NXF1: variants seen among roughly 807,000 people sequenced by gnomAD.
NXF1 encodes the protein nuclear RNA export factor 1, also known as mRNA export factor TAP.
NXF1 carries 43 observed loss-of-function variants against 92.4 expected under a neutral mutation model. The ratio of observed to expected loss-of-function variants is 0.47; its 90% confidence interval spans 0.36 to 0.60. NXF1 has a LOEUF of 0.60. NXF1 is among the 20% of genes least tolerant of loss of function. The pLI is 0.00. For synonymous variants in NXF1, 288 were observed against 292.2 expected, an observed-to-expected ratio of 0.99 and a Z score of 0.15; for missense variants, 576 against 793.0, an observed-to-expected ratio of 0.73 and a Z score of 3.29.
chr11:62,793,373 A>G (rs2084387055), intron 19 of NXF1, among the ~76,000 whole-genome samples: 1 of 152,090 alleles, frequency 6.6e-6, no homozygotes, highest in African/African-American at 2.4e-5. Context: ...CACCTCTCCC[A>G]GCCAACTATT....
At position 62,805,321 on chromosome 11, in the gene NXF1, G is replaced by C. The variant is rs780199704; in HGVS notation, c.28+8C>G. 3 of 1,609,326 alleles carry C rather than the reference G, an allele frequency of 1.9e-6. No homozygotes were observed. The highest frequency in any genetic ancestry group is 2.5e-6 in the Non-Finnish European group (3 of 1,178,048). On this transcript the variant is annotated splice_region_variant and intron_variant, in intron 1 of 20. Transcript: ENST00000294172. ...TAGCCAGTTCCCGACCCGAAGACCA[G>C]CACTTACCGCTGTACGACTTCCCCT...
At chr11:62,802,868 C>G (rs1320780900) in intron 3 of NXF1, among the ~76,000 whole-genome samples, 1 of 152,216 alleles carries the variant, frequency 6.6e-6, no homozygotes, top group Non-Finnish European at 1.5e-5. Context: ...CACACTCAGC[C>G]TGAGCCAAAT....
At chr11:62,805,235 C>T (rs1313002291) in intron 1 of NXF1, 94 bp downstream of exon 1, 1 of 1,289,460 alleles carries the variant, frequency 7.8e-7, no homozygotes, top group Non-Finnish European at 1.0e-6. Flanking sequence ...CGCCGGGCCC[C>T]TAGCGGCCTC....
chr11:62,803,092 G>A (rs931033635), intron 3 of NXF1, among the ~76,000 whole-genome samples: 22 of 152,084 alleles, frequency 1.4e-4, no homozygotes, highest in Non-Finnish European at 2.1e-4. Context: ...GGGCCAAGGC[G>A]GGCAGATCAT....
In NXF1 at chr11:62,801,104, G is replaced by C. The variant is rs1444988072; in HGVS notation, c.896C>G (p.Ser299Cys). 6.2e-7 allele frequency: 1 copy of C among 1,613,238 alleles called. No homozygotes were observed. Among genetic ancestry groups the C allele is most frequent in the East Asian group, 2.2e-5 (1 of 44,878 alleles). ...KAPNLKILNL[S>C]GNELKSEREL... is the part of the protein sequence containing the mutation. Reference sequence around the variant, plus strand: ...GCTATCAATTCTCACTTCATTTCCAGAAAGGTTTAGGATCTTCAGGTTGGG... The same window carrying C: ...GCTATCAATTCTCACTTCATTTCCACAAAGGTTTAGGATCTTCAGGTTGGG... Residue 299 changes from serine to cysteine, a missense_variant, in exon 9 of 21, where the codon TCT becomes TGT. Ser to Cys is a moderately radical substitution (Grantham distance 112, BLOSUM62 -1). Around this residue, in one of 2 missense-constraint regions of NXF1, gnomAD observed 425 missense variants for 635.2 expected, o/e 0.67. Transcript: ENST00000294172.
chr11:62,801,698 G>GT, intron 6 of NXF1, 41 bp downstream of exon 6: 1 of 1,609,138 alleles, frequency 6.2e-7, no homozygotes, highest in Non-Finnish European at 8.5e-7. Flanking sequence ...GTGAGAAGTA[G>GT]TAAGACTGGG....
intron 9 of NXF1, among the ~76,000 whole-genome samples, 195 bp downstream of exon 9, chr11:62,800,899 C>A (rs2134775144): frequency 6.6e-6 from 1 of 152,318 alleles, no homozygotes; most frequent in African/African-American, 2.4e-5. Flanking sequence ...CCCCCTGGGG[C>A]AGCTTGGACT....
chr11:62,797,823 C>T (rs1419505443), intron 11 of NXF1, among the ~76,000 whole-genome samples: 1 of 151,720 alleles, frequency 6.6e-6, no homozygotes, highest in Non-Finnish European at 1.5e-5. Flanking sequence ...GTAAACGCAT[C>T]ATGAAAAGTA....
rs1054252071 is a variant in NXF1, at chr11:62,792,410, C to T, written c.*66G>A. On this transcript the variant is annotated 3_prime_UTR_variant, in exon 21 of 21. Transcript: ENST00000294172. The stretch of plus-strand genomic sequence containing the variant: ...GGGCCAGACAGGAGGAGATGACAGA[C>T]GACAACCAGACGGTAATATCCAAGG... 3.7e-5 allele frequency: 59 copies of T among 1,597,030 alleles called. No individual in the cohort carries two copies. Among genetic ancestry groups the T allele is most frequent in the Non-Finnish European group, 4.8e-5 (56 of 1,164,732 alleles).
intron 10 of NXF1, 26 bp from the exon 11 acceptor site, chr11:62,798,601 T>G: frequency 6.2e-7 from 1 of 1,613,420 alleles, no homozygotes; most frequent in Non-Finnish European, 8.5e-7. Context: ...CAGAAGTGAG[T>G]GATGCTTCAG....
At chr11:62,797,041 C>T in intron 13 of NXF1, 142 bp downstream of exon 13, 1 of 725,708 alleles carries the variant, frequency 1.4e-6, no homozygotes, top group Non-Finnish European at 2.2e-6. Context: ...GCACTCCAGC[C>T]TGGGTGACAC....
chr11:62,795,830 TAA>T (rs1952263433), intron 17 of NXF1, 69 bp downstream of exon 17: 19 of 1,404,790 alleles, frequency 1.4e-5, no homozygotes, highest in Non-Finnish European at 1.9e-5. Context: ...GCTGGGAAGC[TAA>T]GAGTGCTGAG....
At chr11:62,798,777 CTG>C in intron 10 of NXF1, 1 of 1,388,822 alleles carries the variant, frequency 7.2e-7, no homozygotes, top group Non-Finnish European at 9.3e-7. Context: ...GCCTTGAAGG[CTG>C]TCTCTTTTCT....
intron 10 of NXF1, chr11:62,799,458 T>G: frequency 1.0e-6 from 1 of 985,790 alleles, no homozygotes; most frequent in South Asian, 4.7e-5. Context: ...TGTAGGATTG[T>G]GGGGGTGAGG....
chr11:62,795,885 C>A lies in NXF1; in HGVS notation c.1504+16G>T, dbSNP rs749315333. On this transcript the variant is annotated intron_variant, in intron 17 of 20. Coordinates refer to ENST00000294172, the MANE Select transcript of NXF1 (RefSeq NM_006362.5). The stretch of plus-strand genomic sequence containing the variant: ...GTGGGACCACGCTACAAACTCGGGA[C>A]TCTAAAGATTCTTACCTTCCTTGAA... 1.2e-6 allele frequency: 2 copies of A among 1,612,404 alleles called. No individual in the cohort carries two copies. The highest frequency in any genetic ancestry group is 1.1e-5 in the South Asian group (1 of 91,080).
In NXF1 at chr11:62,792,329, C is replaced by A; in HGVS notation, c.*147G>T. The A allele has an allele frequency of 3.1e-6, 3 of 954,838 alleles. No individual in the cohort carries two copies. The highest frequency in any genetic ancestry group is 2.7e-5 in the South Asian group (2 of 73,646). 59.1% of individuals were successfully genotyped at this position (954,838 alleles called of 1,614,324 possible). A position where few individuals can be genotyped will look rare whatever the true frequency, so the allele number is the denominator to read the frequency against. Reference sequence around the variant, plus strand: ...CTTCTGAAGTCTTCCAGAAGGCAGGCGAGGAGAGGGATCAGGCAGCCCTCC... The same window carrying A: ...CTTCTGAAGTCTTCCAGAAGGCAGGAGAGGAGAGGGATCAGGCAGCCCTCC... On this transcript the variant is annotated 3_prime_UTR_variant, in exon 21 of 21. Coordinates refer to ENST00000294172, the MANE Select transcript of NXF1 (RefSeq NM_006362.5).
chr11:62,797,495 T>C (rs145936894), intron 11 of NXF1, 109 bp from the exon 12 acceptor site: 18 of 914,420 alleles, frequency 2.0e-5, no homozygotes, highest in African/African-American at 5.1e-5. Flanking sequence ...AGCTCAGGAG[T>C]TTGAGACCAG....
At position 62,794,764 on chromosome 11, in the gene NXF1, C is replaced by T. The variant is rs78433686; in HGVS notation, c.1577+171G>A. On this transcript the variant is annotated intron_variant, in intron 18 of 20. Coordinates refer to ENST00000294172, the MANE Select transcript of NXF1 (RefSeq NM_006362.5). The stretch of plus-strand genomic sequence containing the variant: ...GGTGGAGCCAGGATGAAAACCCAGA[C>T]GGTACAATTCCAGAGCCAAGCTATT... 5.1e-3 allele frequency: 3,254 copies of T among 635,472 alleles called. 69 individuals are homozygous for T. The highest frequency in any genetic ancestry group is 0.051 in the African/African-American group (2,795 of 54,766). 39.4% of individuals were successfully genotyped at this position (635,472 alleles called of 1,614,324 possible). A position where few individuals can be genotyped will look rare whatever the true frequency, so the allele number is the denominator to read the frequency against.
chr11:62,794,147 A>C (rs1191754747), intron 19 of NXF1, 111 bp downstream of exon 19: 2 of 928,108 alleles, frequency 2.2e-6, no homozygotes, highest in Non-Finnish European at 3.2e-6. Context: ...CCTGGATGAC[A>C]GCGCAAGAAC....
Sources: allele counts gnomAD v4.1 joint callset (sites outside exome capture counted in the v4.1 genomes callset), GRCh38; gene constraint gnomAD v4.1.1; regional missense constraint gnomAD v4.1.1; transcripts MANE v1.5; gene names NCBI Gene and HGNC (gene_info 2026-07-23, HGNC 2026-07-21).